MYH15: variants seen among roughly 807,000 people sequenced by gnomAD.
MYH15 encodes the protein myosin heavy chain 15, also known as myosin-15.
In MYH15, 227 loss-of-function variants were observed where a neutral mutation model predicts 240.5. The observed-to-expected ratio is 0.94, with a 90% CI of 0.85 to 1.05. MYH15 has a LOEUF of 1.05. Among genes scored for constraint, MYH15 ranks in the 50% least tolerant of loss-of-function variants. The pLI, the probability that MYH15 is intolerant of heterozygous loss-of-function variation, is 0.00. For missense variants in MYH15, 2,217 were observed against 2,247.5 expected, an observed-to-expected ratio of 0.99 and a Z score of 0.27; for synonymous variants, 785 against 796.7, an observed-to-expected ratio of 0.99 and a Z score of 0.25.
intron 17 of MYH15, among the ~76,000 whole-genome samples, chr3:108,460,010 A>G (rs982183498): frequency 3.3e-5 from 5 of 152,178 alleles, no homozygotes; most frequent in Non-Finnish European, 5.9e-5. Flanking sequence ...AGGAGGGCAA[A>G]GAGGCAGCTT....
the MYH15 span, among the ~76,000 whole-genome samples, chr3:108,544,616 A>G: frequency 6.6e-6 from 1 of 152,204 alleles, no homozygotes; most frequent in African/African-American, 2.4e-5. Flanking sequence ...TAAATGGCTC[A>G]GGGTGACCTT....
chr3:108,383,723 G>C lies in MYH15; in HGVS notation c.5638C>G (p.Gln1880Glu). 1.4e-6 allele frequency: 2 copies of C among 1,460,792 alleles called. No individual in the cohort carries two copies. The highest frequency in any genetic ancestry group is 5.0e-5 in the East Asian group (2 of 40,196). The allele number at this position is 1,460,792 out of a possible 1,614,324, so 90.5% of individuals were successfully genotyped here. ...TACTTGGAAAGGTATTGATTGGCTT[G>C]TGTTTCCTATAAAAATAAAAAAAAA... ...YKQQVEVAETQANQYLSKYKK... is the reference protein window; with the variant it reads ...YKQQVEVAETEANQYLSKYKK... The change falls in exon 40 of 41, where the codon CAA (glutamine) becomes GAA (glutamate). Residue 1880 changes from glutamine (Q) to glutamate (E), a missense_variant. Coordinates refer to ENST00000693548, the MANE Select transcript of MYH15 (RefSeq NM_014981.3).
intron 19 of MYH15, 44 bp from the exon 20 acceptor site, chr3:108,455,903 T>C: frequency 6.4e-7 from 1 of 1,567,592 alleles, no homozygotes; most frequent in Non-Finnish European, 8.8e-7. Context: ...GGAAATCATA[T>C]TATTCAAATA....
At chr3:108,423,052 A>T (rs542329157) in intron 27 of MYH15, among the ~76,000 whole-genome samples, 1 of 152,278 alleles carries the variant, frequency 6.6e-6, no homozygotes, top group South Asian at 2.1e-4. Context: ...TGAGTAAGAC[A>T]GGGTTTGATT....
chr3:108,431,741 C>T (rs2168563), intron 25 of MYH15, among the ~76,000 whole-genome samples: 136,691 of 152,186 alleles, frequency 0.9, 61,524 homozygotes, highest in East Asian at 1. Flanking sequence ...GTTTGGAGGG[C>T]TCAGAAGAAG....
chr3:108,489,732 G>A (rs1262155892), intron 9 of MYH15, among the ~76,000 whole-genome samples: 1 of 152,084 alleles, frequency 6.6e-6, no homozygotes, highest in Non-Finnish European at 1.5e-5. Flanking sequence ...TCCTCATATC[G>A]TTAAGATATG....
Position 108,501,784 on chromosome 3 carries a change from T to C in MYH15, c.267A>G (p.Ala89=), listed in dbSNP as rs771313916. ...ATGCCTCATTGAGGTGAGTCAGCAT[T>C]GCCATGTCTTCAATCATTTCAAACT... The part of the protein sequence containing the change: ...PPEFEMIEDM[A]MLTHLNEASV... Residue 89 remains alanine, a synonymous_variant, in exon 3 of 41, where the codon GCA becomes GCG. Transcript: ENST00000693548. 4 of 1,614,094 alleles carry C rather than the reference T, an allele frequency of 2.5e-6. No individual in the cohort carries two copies. Among genetic ancestry groups the C allele is most frequent in the South Asian group, 1.1e-5 (1 of 91,074 alleles).
intron 8 of MYH15, 55 bp from the exon 9 acceptor site, chr3:108,492,650 G>A (rs1576267230): frequency 1.5e-6 from 2 of 1,360,840 alleles, no homozygotes; most frequent in Non-Finnish European, 2.1e-6. Flanking sequence ...GCAAAATGTA[G>A]AAGAAAAGTA....
At chr3:108,450,641 A>C (rs1210572427) in intron 21 of MYH15, among the ~76,000 whole-genome samples, 1 of 152,282 alleles carries the variant, frequency 6.6e-6, no homozygotes, top group Non-Finnish European at 1.5e-5. Flanking sequence ...TGGTAACCAC[A>C]GTTAATAATA....
intron 31 of MYH15, among the ~76,000 whole-genome samples, chr3:108,409,722 A>G (rs1453939767): frequency 6.6e-6 from 1 of 152,234 alleles, no homozygotes; most frequent in Non-Finnish European, 1.5e-5. Flanking sequence ...GTTTGGCAGT[A>G]AATCAAAATT....
intron 24 of MYH15, among the ~76,000 whole-genome samples, chr3:108,438,347 C>G (rs2082858777): frequency 1.3e-5 from 2 of 152,100 alleles, no homozygotes. Context: ...TTAGTATTGC[C>G]AGGAATTATA....
chr3:108,461,692 G>A (rs2083073114), intron 16 of MYH15: 1 of 152,174 alleles, frequency 6.6e-6, no homozygotes, highest in Admixed American at 6.5e-5. Flanking sequence ...GCAGCTATTA[G>A]AATCAGGCAA....
chr3:108,426,719 G>GC lies in MYH15; in HGVS notation c.3702+1772dup, dbSNP rs911428695. Among the ~76,000 whole-genome samples the GC allele has an allele frequency of 2.2e-4, 33 of 152,116 alleles. 1 individual carries two copies. Among genetic ancestry groups the GC allele is most frequent in the Admixed American group, 1.5e-3 (23 of 15,266 alleles). Reference sequence around the variant, plus strand: ...GTGGTGGTACTGTGAGGGCAGAGCTGCCCCCAACACCCCAGACTTGTAGAG... The same window carrying GC: ...GTGGTGGTACTGTGAGGGCAGAGCTGCCCCCCAACACCCCAGACTTGTAGAG... On this transcript the variant is annotated intron_variant, in intron 27 of 40. Transcript: ENST00000693548.
chr3:108,547,244 T>G, the MYH15 span, among the ~76,000 whole-genome samples: 1 of 152,046 alleles, frequency 6.6e-6, no homozygotes, highest in Non-Finnish European at 1.5e-5. Flanking sequence ...TCAAATGATC[T>G]GCCTGCCTAG....
intron 37 of MYH15, among the ~76,000 whole-genome samples, chr3:108,390,277 C>T (rs2082414087): frequency 1.3e-5 from 2 of 152,128 alleles, no homozygotes; most frequent in Non-Finnish European, 2.9e-5. Flanking sequence ...ATGATGGTAT[C>T]ATGGTTGTGT....
Position 108,480,197 on chromosome 3 carries a change from A to G in MYH15, c.1115-3682T>C, listed in dbSNP as rs1171875830. 2.0e-5 allele frequency among the ~76,000 whole-genome samples: 3 copies of G among 151,748 alleles called. No individual in the cohort carries two copies. In the East Asian group the frequency reaches 5.8e-4, roughly 30 times the overall value. ...TTCTGGACTGCATGACTGGGGAAGG[A>G]TTAAAAAAGAAACAACATTCAATCT... On this transcript the variant is annotated intron_variant, in intron 11 of 40. Coordinates refer to ENST00000693548, the MANE Select transcript of MYH15 (RefSeq NM_014981.3).
chr3:108,408,247 G>A (rs1313438773), intron 32 of MYH15, 33 bp downstream of exon 32: 4 of 1,593,014 alleles, frequency 2.5e-6, no homozygotes, highest in Non-Finnish European at 3.4e-6. Context: ...CCTTGTCACA[G>A]TGAAAACTTT....
chr3:108,486,817 C>T (rs2083309788), intron 9 of MYH15, among the ~76,000 whole-genome samples: 1 of 152,034 alleles, frequency 6.6e-6, no homozygotes, highest in Admixed American at 6.5e-5. Context: ...CAAACAACAA[C>T]AACAACAACA....
At chr3:108,491,934 T>C (rs2083351390) in intron 9 of MYH15, among the ~76,000 whole-genome samples, 1 of 151,940 alleles carries the variant, frequency 6.6e-6, no homozygotes, top group African/African-American at 2.4e-5. Flanking sequence ...CCAACCTAAA[T>C]TCCCCTTCTT....
Sources: allele counts gnomAD v4.1 joint callset (sites outside exome capture counted in the v4.1 genomes callset), GRCh38; gene constraint gnomAD v4.1.1; transcripts MANE v1.5; gene names NCBI Gene and HGNC (gene_info 2026-07-23, HGNC 2026-07-21).